The following AGL variants were observed in gnomAD, a reference collection of about 807,000 sequenced individuals.
AGL encodes the protein amylo-alpha-1,6-glucosidase and 4-alpha-glucanotransferase.
In AGL, 128 loss-of-function variants were observed where a neutral mutation model predicts 199.3. The observed-to-expected ratio is 0.64, with a 90% CI of 0.56 to 0.74. The LOEUF (loss-of-function observed/expected upper bound fraction) is 0.74, where lower values mean the gene tolerates loss of function less well. Among genes scored for constraint, AGL ranks in the 30% least tolerant of loss-of-function variants. The probability of loss-of-function intolerance (pLI) is 0.00; values close to 1 mark genes in which losing one functional copy is unlikely to be tolerated. For synonymous variants in AGL, 584 were observed against 594.7 expected (o/e 0.98, Z 0.26); for missense variants, 1,809 against 1,820.8 (o/e 0.99, Z 0.12).
At chr1:99,918,257 C>A (rs953445343) in intron 33 of AGL, among the ~76,000 whole-genome samples, 1 of 152,326 alleles carries the variant, frequency 6.6e-6, no homozygotes, top group Middle Eastern at 3.4e-3. Context: ...AACCTACCAT[C>A]ACATCCATGC....
At chr1:99,904,182 G>T (rs115064986) in intron 27 of AGL, among the ~76,000 whole-genome samples, 3 of 152,054 alleles carry the variant, frequency 2.0e-5, no homozygotes, top group Non-Finnish European at 4.4e-5. Context: ...CACCATATTC[G>T]TCATCTCATG....
intron 5 of AGL, among the ~76,000 whole-genome samples, chr1:99,867,197 G>A (rs535456759): frequency 3.9e-4 from 60 of 152,282 alleles, no homozygotes; most frequent in East Asian, 1.9e-4. Context: ...CACTCTTTAC[G>A]TAGTGAAACA....
intron 21 of AGL, among the ~76,000 whole-genome samples, chr1:99,889,386 T>C (rs909317280): frequency 1.7e-4 from 26 of 152,182 alleles, no homozygotes; most frequent in African/African-American, 6.0e-4. Flanking sequence ...TTCTCATTTT[T>C]AATACAAAAT....
intron 7 of AGL, among the ~76,000 whole-genome samples, chr1:99,873,603 TC>T (rs1432508758): frequency 6.6e-6 from 1 of 152,086 alleles, no homozygotes; most frequent in Non-Finnish European, 1.5e-5. Context: ...CCCAGCTAAT[TC>T]TGTATTTTTA....
Position 99,913,702 on chromosome 1 carries a change from T to A in AGL, c.4125T>A (p.Tyr1375Ter). 6.2e-7 allele frequency: 1 copy of A among 1,614,146 alleles called. No individual in the cohort carries two copies. Among genetic ancestry groups the A allele is most frequent in the Non-Finnish European group, 8.5e-7 (1 of 1,180,000 alleles). ...SYGASSPWCDYQLRPNFTIAM... is the reference protein window; with the variant it reads ...SYGASSPWCD ...GAGCTTCAAGTCCTTGGTGTGACTA[T>A]CAGCTCAGGCCTAATTTTACCATAG... Residue 1375 changes from tyrosine to a stop codon, truncating the protein, a stop_gained, in exon 30 of 34, where the codon TAT (tyrosine) becomes TAA (stop). Coordinates refer to ENST00000361915, the MANE Select transcript of AGL (RefSeq NM_000642.3). LOFTEE classifies it high-confidence loss of function.
At chr1:99,875,785 A>G (rs1284183418) in intron 10 of AGL, among the ~76,000 whole-genome samples, 1 of 152,238 alleles carries the variant, frequency 6.6e-6, no homozygotes, top group Non-Finnish European at 1.5e-5. Context: ...TAGGTTGGGC[A>G]ACTAGAGTGC....
At chr1:99,904,140 A>G (rs1654068035) in intron 27 of AGL, among the ~76,000 whole-genome samples, 1 of 152,172 alleles carries the variant, frequency 6.6e-6, no homozygotes. Flanking sequence ...ATGGTATTAA[A>G]ATAAATGTGC....
chr1:99,907,055 A>G (rs1654339836), intron 27 of AGL, among the ~76,000 whole-genome samples: 1 of 152,086 alleles, frequency 6.6e-6, no homozygotes, highest in Non-Finnish European at 1.5e-5. Context: ...TACCATCCTA[A>G]TGGGTGTGAG....
At chr1:99,868,832 T>TG (rs1031595266) in intron 5 of AGL, among the ~76,000 whole-genome samples, 2 of 150,052 alleles carry the variant, frequency 1.3e-5, no homozygotes, top group African/African-American at 5.0e-5. Flanking sequence ...ACTCTTTTTT[T>TG]TTTTTTTTTT....
In AGL at chr1:99,900,672, T is replaced by C. The variant is rs777488492; in HGVS notation, c.3399T>C (p.His1133=). 3.7e-6 allele frequency: 6 copies of C among 1,614,204 alleles called. No individual in the cohort carries two copies. The highest frequency in any genetic ancestry group is 5.1e-6 in the Non-Finnish European group (6 of 1,180,036). The change falls in exon 26 of 34, where the codon CAT becomes CAC. Residue 1133 remains histidine (H), a synonymous_variant. Coordinates refer to ENST00000361915, the MANE Select transcript of AGL (RefSeq NM_000642.3). ...IILAFAGTLR[H]GLIPNLLGEG... The stretch of plus-strand genomic sequence containing the variant: ...TAGCATTTGCGGGTACCCTGAGGCA[T>C]GGTCTCATTCCTAATCTACTGGGTG...
intron 2 of AGL, among the ~76,000 whole-genome samples, chr1:99,860,265 A>G (rs1461502520): frequency 6.6e-6 from 1 of 151,652 alleles, no homozygotes; most frequent in African/African-American, 2.4e-5. Flanking sequence ...ATTATAAATT[A>G]TAAATAATAT....
At chr1:99,901,382 TAAAAAAAAAAA>T (rs58305886) in intron 26 of AGL, among the ~76,000 whole-genome samples, 9 of 107,758 alleles carry the variant, frequency 8.4e-5, no homozygotes, top group Admixed American at 6.3e-4. Context: ...TCAGTCTCTT[TAAAAAAAAAAA>T]AAAAAAAAAA....
intron 3 of AGL, among the ~76,000 whole-genome samples, 195 bp from the exon 4 acceptor site, chr1:99,862,062 A>G (rs1343717247): frequency 6.6e-6 from 1 of 152,196 alleles, no homozygotes; most frequent in Non-Finnish European, 1.5e-5. Flanking sequence ...TATACATGTA[A>G]TTATGTAGAT....
At chr1:99,876,312 C>T (rs1651526092) in intron 10 of AGL, 146 bp from the exon 11 acceptor site, 7 of 628,648 alleles carry the variant, frequency 1.1e-5, no homozygotes, top group Non-Finnish European at 1.3e-5. Context: ...GATTTTTGAC[C>T]TATATTGAAG....
Position 99,912,426 on chromosome 1 carries a change from T to G in AGL, c.3858T>G (p.Ile1286Met). Residue 1286 changes from isoleucine (I) to methionine (M), a missense_variant, in exon 29 of 34, where the codon ATT becomes ATG. Coordinates refer to ENST00000361915, the MANE Select transcript of AGL (RefSeq NM_000642.3). ...ATPRDGSAVE[I>M]VGLSKSAVRW... ...TTAGAGATGGGTCTGCTGTGGAAAT[T>G]GTGGGCCTGAGTAAATCTGCTGTTC... 6.2e-7 allele frequency: 1 copy of G among 1,614,028 alleles called. No individual in the cohort carries two copies. The highest frequency in any genetic ancestry group is 8.5e-7 in the Non-Finnish European group (1 of 1,179,966).
chr1:99,890,148 C>T (rs1652765593), intron 21 of AGL, among the ~76,000 whole-genome samples: 1 of 152,146 alleles, frequency 6.6e-6, no homozygotes, highest in South Asian at 2.1e-4. Context: ...ACAGTTTTCA[C>T]TCTATTCTAG....
chr1:99,911,656 T>A (rs1280355674), intron 28 of AGL, among the ~76,000 whole-genome samples: 2 of 152,218 alleles, frequency 1.3e-5, no homozygotes, highest in Non-Finnish European at 2.9e-5. Context: ...TTGGCCAGGC[T>A]GATCTCAAAT....
At chr1:99,852,358 T>C (rs1445822242) in intron 2 of AGL, among the ~76,000 whole-genome samples, 2 of 149,472 alleles carry the variant, frequency 1.3e-5, no homozygotes, top group African/African-American at 2.5e-5. Flanking sequence ...TTTCTTTTTT[T>C]TTTTTTTTTT....
Position 99,900,740 on chromosome 1 carries a change from G to A in AGL, c.3467G>A (p.Trp1156Ter). The A allele has an allele frequency of 6.2e-7, 1 of 1,614,118 alleles. No homozygotes were observed. The highest frequency in any genetic ancestry group is 8.5e-7 in the Non-Finnish European group (1 of 1,179,992). ...TACAATTGTCGGGATGCTGTGTGGT[G>A]GTGGCTGCAGTGTATCCAGGATTAC... ...ARYNCRDAVW[W>*]WLQCIQDYCK... The change falls in exon 26 of 34, where the codon TGG becomes TAG. Residue 1156 changes from tryptophan (W) to a stop codon, truncating the protein, a stop_gained. Transcript: ENST00000361915. LOFTEE classifies it high-confidence loss of function.
Sources: allele counts gnomAD v4.1 joint callset (sites outside exome capture counted in the v4.1 genomes callset), GRCh38; gene constraint gnomAD v4.1.1; transcripts MANE v1.5; gene names NCBI Gene and HGNC (gene_info 2026-07-23, HGNC 2026-07-21).